Variants in SNX18 observed in about 807,000 individuals in gnomAD.
The protein encoded by SNX18 is sorting nexin-18.
A neutral mutation model predicts 48.7 loss-of-function variants in SNX18; 35 were observed. The observed-to-expected ratio is 0.72, with a 90% CI of 0.55 to 0.95. The LOEUF is 0.95. SNX18 is among the 40% of genes least tolerant of loss of function. The probability of loss-of-function intolerance (pLI) is 0.00; values close to 1 mark genes in which losing one functional copy is unlikely to be tolerated. For missense variants in SNX18, 824 were observed against 871.0 expected (o/e 0.95, Z 0.68); for synonymous variants, 492 against 384.7 (o/e 1.28, Z -3.26).
chr5:54,532,948 T>G (rs1303250989), intron 1 of SNX18, among the ~76,000 whole-genome samples: 1 of 152,226 alleles, frequency 6.6e-6, no homozygotes, highest in Non-Finnish European at 1.5e-5. Flanking sequence ...TCATTCTGCC[T>G]TTAGACATTA....
chr5:54,568,950 C>T, the SNX18 span, among the ~76,000 whole-genome samples: 1 of 147,098 alleles, frequency 6.8e-6, no homozygotes, highest in South Asian at 2.2e-4. Flanking sequence ...TCAAGCCATT[C>T]TCCTACCTCA....
At chr5:54,554,149 G>T in the SNX18 span, among the ~76,000 whole-genome samples, 1 of 152,150 alleles carries the variant, frequency 6.6e-6, no homozygotes, top group Non-Finnish European at 1.5e-5. Flanking sequence ...TTCATCTATT[G>T]CTACCATTGT....
chr5:54,639,053 T>A, the SNX18 span, among the ~76,000 whole-genome samples: 1 of 152,240 alleles, frequency 6.6e-6, no homozygotes, highest in African/African-American at 2.4e-5. Flanking sequence ...AATACAAATG[T>A]GGATAAAAAT....
chr5:54,576,590 G>A, the SNX18 span, among the ~76,000 whole-genome samples: 2 of 152,162 alleles, frequency 1.3e-5, no homozygotes, highest in African/African-American at 4.8e-5. Context: ...GAATCTTCAT[G>A]GTGTCAACGT....
At chr5:54,561,522 T>TTTTTTTTTTG in the SNX18 span, among the ~76,000 whole-genome samples, 6 of 144,248 alleles carry the variant, frequency 4.2e-5, no homozygotes, top group African/African-American at 7.6e-5. Flanking sequence ...TTTTTTTTTG[T>TTTTTTTTTTG]AGAGACAGGG....
chr5:54,614,788 G>C, the SNX18 span, among the ~76,000 whole-genome samples: 1 of 152,114 alleles, frequency 6.6e-6, no homozygotes, highest in Non-Finnish European at 1.5e-5. Flanking sequence ...AGTCAAGCCT[G>C]GGTGATTAAA....
chr5:54,635,468 G>C, the SNX18 span, among the ~76,000 whole-genome samples: 1 of 152,058 alleles, frequency 6.6e-6, no homozygotes, highest in Non-Finnish European at 1.5e-5. Context: ...TCTGCTCCAG[G>C]CTTTAAGGAG....
At chr5:54,639,867 C>T in the SNX18 span, among the ~76,000 whole-genome samples, 1 of 152,190 alleles carries the variant, frequency 6.6e-6, no homozygotes, top group African/African-American at 2.4e-5. Context: ...CATTATGTAT[C>T]AGCAAAAGCC....
intron 1 of SNX18, 22 bp downstream of exon 1, chr5:54,519,595 A>G (rs1761970749): frequency 1.9e-6 from 3 of 1,614,096 alleles, no homozygotes; most frequent in Admixed American, 1.7e-5. Flanking sequence ...CCCTTAGAGC[A>G]GGTGATATGG....
chr5:54,613,321 G>A, the SNX18 span, among the ~76,000 whole-genome samples: 1 of 152,008 alleles, frequency 6.6e-6, no homozygotes, highest in Non-Finnish European at 1.5e-5. Context: ...AGGTTGAAGG[G>A]CTGGCATCTG....
At chr5:54,533,699 C>T (rs183466118) in intron 1 of SNX18, among the ~76,000 whole-genome samples, 2 of 152,270 alleles carry the variant, frequency 1.3e-5, no homozygotes, top group East Asian at 3.9e-4. Flanking sequence ...ATGAGACATG[C>T]GAAGTGCAGA....
chr5:54,588,306 C>CTTTA, the SNX18 span, among the ~76,000 whole-genome samples: 9 of 73,918 alleles, frequency 1.2e-4, no homozygotes, highest in East Asian at 8.0e-4. Context: ...TATTTCTATT[C>CTTTA]TTTTTTTTTT....
At chr5:54,598,294 A>G in the SNX18 span, among the ~76,000 whole-genome samples, 10 of 152,214 alleles carry the variant, frequency 6.6e-5, no homozygotes, top group African/African-American at 2.4e-4. Context: ...GAATTCTACC[A>G]GAACTCAGCT....
At chr5:54,577,130 G>A in the SNX18 span, among the ~76,000 whole-genome samples, 1 of 152,098 alleles carries the variant, frequency 6.6e-6, no homozygotes, top group Non-Finnish European at 1.5e-5. Context: ...TCTAAGTGAG[G>A]ACTGGATTTT....
chr5:54,571,755 T>C, the SNX18 span, among the ~76,000 whole-genome samples: 2 of 152,224 alleles, frequency 1.3e-5, no homozygotes, highest in African/African-American at 4.8e-5. Context: ...GGGCAGGGCT[T>C]TTCCCTGGAC....
the SNX18 span, among the ~76,000 whole-genome samples, chr5:54,630,359 A>G: frequency 6.6e-6 from 1 of 152,142 alleles, no homozygotes; most frequent in Admixed American, 6.5e-5. Flanking sequence ...GCAGAGATGC[A>G]GGCAGGGGAG....
intron 1 of SNX18, among the ~76,000 whole-genome samples, chr5:54,535,930 A>G (rs1762344218): frequency 6.6e-6 from 1 of 152,134 alleles, no homozygotes; most frequent in African/African-American, 2.4e-5. Context: ...CCTCAGGGTT[A>G]TTAGTTCCTG....
the SNX18 span, among the ~76,000 whole-genome samples, chr5:54,574,484 A>G: frequency 6.6e-6 from 1 of 152,338 alleles, no homozygotes; most frequent in South Asian, 2.1e-4. Flanking sequence ...AATCACTATT[A>G]TTGGCAAGGG....
chr5:54,630,280 G>T, the SNX18 span, among the ~76,000 whole-genome samples: 1 of 152,214 alleles, frequency 6.6e-6, no homozygotes, highest in African/African-American at 2.4e-5. Flanking sequence ...ACTTACACAG[G>T]ATGGCTTTGG....
Sources: allele counts gnomAD v4.1 joint callset (sites outside exome capture counted in the v4.1 genomes callset), GRCh38; gene constraint gnomAD v4.1.1; transcripts MANE v1.5; gene names NCBI Gene and HGNC (gene_info 2026-07-23, HGNC 2026-07-21).